Variants in TTC6 observed in about 807,000 individuals in gnomAD.
TTC6 encodes tetratricopeptide repeat protein 6.
In TTC6, 172 loss-of-function variants were observed where a neutral mutation model predicts 210.4. The ratio of observed to expected loss-of-function variants is 0.82; its 90% CI spans 0.72 to 0.93. The LOEUF (loss-of-function observed/expected upper bound fraction) is 0.93, where lower values mean the gene tolerates loss of function less well. Among genes scored for constraint, TTC6 ranks in the 40% least tolerant of loss-of-function variants. TTC6 has a pLI of 0.00. For missense variants in TTC6, 2,414 were observed against 2,318.1 expected (o/e 1.04, Z -0.85); for synonymous variants, 804 against 819.6 (o/e 0.98, Z 0.32).
At chr14:37,635,964 G>C (rs1220550985) in intron 1 of TTC6, among the ~76,000 whole-genome samples, 8 of 73,142 alleles carry the variant, frequency 1.1e-4, no homozygotes, top group African/African-American at 3.8e-4. Flanking sequence ...CTGGCAACAA[G>C]AGCAAAATTC....
At chr14:37,764,839 A>T (rs1464530012) in intron 14 of TTC6, among the ~76,000 whole-genome samples, 1 of 151,684 alleles carries the variant, frequency 6.6e-6, no homozygotes, top group Non-Finnish European at 1.5e-5. Context: ...TATATTTTAT[A>T]TTGTATTTTG....
intron 5 of TTC6, among the ~76,000 whole-genome samples, chr14:37,713,246 G>A (rs2095847447): frequency 6.6e-6 from 1 of 152,194 alleles, no homozygotes; most frequent in African/African-American, 2.4e-5. Context: ...CTTGCCAACA[G>A]AAACATTAGA....
upstream of TTC6, among the ~76,000 whole-genome samples, chr14:37,617,226 A>G (rs1450664846): frequency 6.6e-6 from 1 of 152,220 alleles, no homozygotes; most frequent in East Asian, 1.9e-4. Context: ...GAGTCCAAGA[A>G]GTGAAGATAG....
rs139028037 is a variant in TTC6 at position 37,627,822 on chromosome 14, G to A, written c.939+4819G>A. ...GGGGTATATACCCAGTAATGGGATCGCTGGGTCAAATGGTATTTCTGGTTC... is the reference window on the plus strand; with the variant it reads ...GGGGTATATACCCAGTAATGGGATCACTGGGTCAAATGGTATTTCTGGTTC... On this transcript the variant is annotated intron_variant, in intron 1 of 30. Coordinates refer to ENST00000553443, the Ensembl canonical transcript of TTC6. 5.8e-3 allele frequency among the ~76,000 whole-genome samples: 879 copies of A among 152,258 alleles called. 8 individuals are homozygous for A. The highest frequency in any genetic ancestry group is 0.02 in the African/African-American group (838 of 41,526).
chr14:37,799,294 A>G (rs1390386205), intron 20 of TTC6, among the ~76,000 whole-genome samples: 2 of 152,170 alleles, frequency 1.3e-5, no homozygotes, highest in African/African-American at 4.8e-5. Context: ...AAACTAAAAA[A>G]ACTTTATTTT....
chr14:37,680,486 T>G (rs566730796), intron 2 of TTC6, among the ~76,000 whole-genome samples: 8 of 152,220 alleles, frequency 5.3e-5, no homozygotes, highest in African/African-American at 1.4e-4. Context: ...AGACTCTTTT[T>G]AGAAGGGGAG....
chr14:37,700,180 T>G (rs1241251110), intron 4 of TTC6, among the ~76,000 whole-genome samples: 3 of 152,114 alleles, frequency 2.0e-5, no homozygotes, highest in Non-Finnish European at 2.9e-5. Flanking sequence ...AAGGTAGGGA[T>G]GGAGTACTTC....
exon 1 of TTC6, chr14:37,622,416 C>G: frequency 6.5e-7 from 1 of 1,534,718 alleles, no homozygotes; most frequent in South Asian, 1.2e-5. Flanking sequence ...GTTTCGCCCC[C>G]GGGACTTTTA....
intron 14 of TTC6, among the ~76,000 whole-genome samples, chr14:37,770,535 G>T (rs1277829597): frequency 3.3e-5 from 5 of 151,560 alleles, no homozygotes; most frequent in East Asian, 1.9e-4. Context: ...TCTTGTTGAA[G>T]TGATCCCTTT....
chr14:37,836,198 C>T (rs1191327055), intron 29 of TTC6, among the ~76,000 whole-genome samples: 1 of 152,098 alleles, frequency 6.6e-6, no homozygotes, highest in Non-Finnish European at 1.5e-5. Flanking sequence ...CAGAGTCAAC[C>T]ATAACTTTCT....
chr14:37,679,648 C>T (rs551300191), intron 1 of TTC6, among the ~76,000 whole-genome samples: 27 of 151,932 alleles, frequency 1.8e-4, no homozygotes, highest in East Asian at 7.7e-4. Context: ...TAGAGATCAG[C>T]GAAAAGCCAT....
chr14:37,708,760 T>A (rs930835308), intron 5 of TTC6, among the ~76,000 whole-genome samples: 1 of 152,092 alleles, frequency 6.6e-6, no homozygotes, highest in Admixed American at 6.6e-5. Context: ...GGGCTTCTGC[T>A]TATTCAGGAT....
intron 14 of TTC6, among the ~76,000 whole-genome samples, chr14:37,762,950 T>A (rs1466585123): frequency 6.7e-6 from 1 of 149,582 alleles, no homozygotes. Context: ...AGTGGTGCCA[T>A]CTGGGCTCAC....
intron 1 of TTC6, among the ~76,000 whole-genome samples, chr14:37,637,237 A>T (rs35082276): frequency 0.056 from 8,490 of 152,356 alleles, 364 homozygotes; most frequent in Non-Finnish European, 0.087. Context: ...ATAGAAGAAA[A>T]TCTTCTAAAT....
At chr14:37,822,329 T>G (rs954339524) in intron 26 of TTC6, among the ~76,000 whole-genome samples, 19 of 152,152 alleles carry the variant, frequency 1.2e-4, no homozygotes, top group African/African-American at 4.3e-4. Flanking sequence ...TGGGGCAACT[T>G]TCATGAAGGA....
intron 1 of TTC6, among the ~76,000 whole-genome samples, chr14:37,665,186 G>A (rs2095745379): frequency 6.6e-6 from 1 of 150,390 alleles, no homozygotes; most frequent in Non-Finnish European, 1.5e-5. Context: ...CTACCATAAA[G>A]ATACATGCAT....
intron 14 of TTC6, among the ~76,000 whole-genome samples, chr14:37,755,905 T>C (rs2095966205): frequency 1.3e-5 from 2 of 152,228 alleles, no homozygotes; most frequent in African/African-American, 4.8e-5. Flanking sequence ...CAGTGGTAGC[T>C]TGATGGGAAT....
intron 1 of TTC6, among the ~76,000 whole-genome samples, chr14:37,602,184 G>C (rs531838376): frequency 3.5e-4 from 53 of 152,340 alleles, no homozygotes; most frequent in African/African-American, 1.2e-3. Flanking sequence ...ATCTTCCTCG[G>C]TACCGGCCTC....
At chr14:37,760,673 C>G (rs1389647596) in intron 14 of TTC6, among the ~76,000 whole-genome samples, 1 of 152,160 alleles carries the variant, frequency 6.6e-6, no homozygotes, top group Non-Finnish European at 1.5e-5. Context: ...ATCTATAAGC[C>G]CCTAACTGGG....
Sources: gnomAD v4.1 joint callset for allele counts (sites outside exome capture counted in the v4.1 genomes callset) on GRCh38, gnomAD v4.1.1 for gene constraint, MANE v1.5 for transcripts, NCBI Gene and HGNC (gene_info 2026-07-23, HGNC 2026-07-21) for gene names.